LARP1B: variants seen among roughly 807,000 people sequenced by gnomAD.
LARP1B encodes la-related protein 1B.
LARP1B carries 76 observed loss-of-function variants against 114.2 expected under a neutral mutation model. The ratio of observed to expected loss-of-function variants is 0.67; its 90% CI spans 0.55 to 0.81. LARP1B has a LOEUF of 0.81. Ranked by LOEUF, LARP1B falls within the 30% of genes least tolerant of loss-of-function variation. The pLI is 0.00. For synonymous variants in LARP1B, 345 were observed against 348.0 expected (o/e 0.99, Z 0.10); for missense variants, 1,014 against 1,075.8 (o/e 0.94, Z 0.80).
chr4:128,107,701 AC>A, intron 9 of LARP1B: 1 of 1,437,278 alleles, frequency 7.0e-7, no homozygotes, highest in Non-Finnish European at 9.1e-7. Flanking sequence ...TAATTTTGTT[AC>A]CAATACGCTT....
chr4:128,123,975 T>C (rs982997750), intron 11 of LARP1B: 3 of 152,272 alleles, frequency 2.0e-5, no homozygotes, highest in Admixed American at 6.5e-5. Flanking sequence ...CTGATTCTTA[T>C]GTACATTCCC....
At chr4:128,113,123 T>G (rs1035922961) in intron 9 of LARP1B, among the ~76,000 whole-genome samples, 10 of 152,206 alleles carry the variant, frequency 6.6e-5, no homozygotes, top group African/African-American at 2.4e-4. Flanking sequence ...GTTAAGAATT[T>G]TATGGTATAC....
At chr4:128,062,619 G>T (rs1308573621) in intron 1 of LARP1B, among the ~76,000 whole-genome samples, 3 of 124,820 alleles carry the variant, frequency 2.4e-5, no homozygotes, top group African/African-American at 8.6e-5. Flanking sequence ...TTACATAAAA[G>T]GATTGAAGCA....
intron 15 of LARP1B, among the ~76,000 whole-genome samples, chr4:128,189,576 C>G (rs1479946121): frequency 6.6e-6 from 1 of 151,950 alleles, no homozygotes; most frequent in African/African-American, 2.4e-5. Context: ...TACTTGGTTT[C>G]TGGTTGTTTT....
chr4:128,109,161 A>G (rs1261038606), intron 9 of LARP1B, among the ~76,000 whole-genome samples: 1 of 152,164 alleles, frequency 6.6e-6, no homozygotes, highest in Non-Finnish European at 1.5e-5. Context: ...ATAATTTCCT[A>G]GTGATAAGAA....
At chr4:128,161,176 C>T (rs1738302252) in intron 11 of LARP1B, among the ~76,000 whole-genome samples, 1 of 152,074 alleles carries the variant, frequency 6.6e-6, no homozygotes, top group South Asian at 2.1e-4. Flanking sequence ...ACAGTTTAGG[C>T]CAGACATAGA....
upstream of LARP1B, among the ~76,000 whole-genome samples, chr4:128,061,038 A>C (rs1759945616): frequency 6.6e-6 from 1 of 151,902 alleles, no homozygotes; most frequent in African/African-American, 2.4e-5. Flanking sequence ...CGAGCCACAG[A>C]GGCCTGGTGC....
At chr4:128,113,351 CTTT>C (rs781192228) in intron 9 of LARP1B, among the ~76,000 whole-genome samples, 4 of 136,682 alleles carry the variant, frequency 2.9e-5, no homozygotes, top group Middle Eastern at 3.5e-3. Context: ...TTCTTTTTTT[CTTT>C]TTTTTTTTTT....
chr4:128,207,755 T>C (rs1308713001), intron 19 of LARP1B, among the ~76,000 whole-genome samples: 3 of 152,254 alleles, frequency 2.0e-5, no homozygotes. Flanking sequence ...CATGTGCTGA[T>C]ATGGATTTAG....
intron 5 of LARP1B, among the ~76,000 whole-genome samples, chr4:128,083,585 C>A (rs1196626494): frequency 1.1e-4 from 16 of 146,068 alleles, no homozygotes; most frequent in African/African-American, 4.0e-4. Context: ...GACCCCCCCA[C>A]CTCCCTCCCA....
chr4:128,170,867 C>CTTTTTTTTTTTT (rs1211999090), intron 12 of LARP1B, among the ~76,000 whole-genome samples: 3 of 99,918 alleles, frequency 3.0e-5, no homozygotes, highest in Non-Finnish European at 4.2e-5. Context: ...TTTTCTTTTT[C>CTTTTTTTTTTTT]TTTTCTTTTT....
At chr4:128,097,791 A>G (rs1312229155) in intron 7 of LARP1B, among the ~76,000 whole-genome samples, 1 of 152,204 alleles carries the variant, frequency 6.6e-6, no homozygotes, top group African/African-American at 2.4e-5. Context: ...GCATTATGCT[A>G]ACATGGGATT....
chr4:128,078,165 A>G (rs985027577), intron 4 of LARP1B, among the ~76,000 whole-genome samples: 3 of 152,180 alleles, frequency 2.0e-5, no homozygotes, highest in Admixed American at 6.6e-5. Flanking sequence ...CTTGTATTCT[A>G]TGCAAGAAAA....
At chr4:128,191,748 A>AT (rs933497877) in intron 15 of LARP1B, among the ~76,000 whole-genome samples, 9 of 150,850 alleles carry the variant, frequency 6.0e-5, no homozygotes, top group South Asian at 4.2e-4. Context: ...TGCCTTCATG[A>AT]TTTTTTTTTC....
At chr4:128,187,819 A>G (rs1159181377) in intron 15 of LARP1B, among the ~76,000 whole-genome samples, 1 of 152,150 alleles carries the variant, frequency 6.6e-6, no homozygotes, top group Admixed American at 6.5e-5. Flanking sequence ...GCAGTTTCTC[A>G]TGGTTTAACA....
intron 1 of LARP1B, among the ~76,000 whole-genome samples, chr4:128,070,025 A>G (rs1047643376): frequency 1.4e-4 from 22 of 152,314 alleles, no homozygotes; most frequent in Admixed American, 1.3e-3. Flanking sequence ...TCATCTTAAG[A>G]TAATTTACTG....
intron 8 of LARP1B, among the ~76,000 whole-genome samples, chr4:128,105,828 T>C (rs189888701): frequency 1.3e-5 from 2 of 151,698 alleles, no homozygotes; most frequent in Admixed American, 1.3e-4. Context: ...GAGGCGGAGG[T>C]TGCAGTGAGC....
chr4:128,087,668 A>G (rs1274969051), intron 5 of LARP1B, among the ~76,000 whole-genome samples: 1 of 152,170 alleles, frequency 6.6e-6, no homozygotes, highest in East Asian at 1.9e-4. Flanking sequence ...ACCATCTAAA[A>G]TCTAGTCAAT....
chr4:128,220,443 G>C (rs1381958844), intron 7 of LARP1B: 1 of 602,170 alleles, frequency 1.7e-6, no homozygotes. Context: ...ACAGGAAAGT[G>C]AGTATGTGTG....
Sources: allele counts gnomAD v4.1 joint callset (sites outside exome capture counted in the v4.1 genomes callset), GRCh38; gene constraint gnomAD v4.1.1; transcripts MANE v1.5; gene names NCBI Gene and HGNC (gene_info 2026-07-23, HGNC 2026-07-21).